ANKRD22: variants seen among roughly 807,000 people sequenced by gnomAD.
ANKRD22 encodes ankyrin repeat domain-containing protein 22.
ANKRD22 carries 24 observed loss-of-function variants against 25.7 expected under a neutral mutation model. The observed-to-expected ratio is 0.93, with a 90% CI of 0.68 to 1.31. The LOEUF (loss-of-function observed/expected upper bound fraction) is 1.31, where lower values mean the gene tolerates loss of function less well. Ranked by LOEUF, ANKRD22 falls within the 50% of genes most tolerant of loss-of-function variation. ANKRD22 has a pLI of 0.00. For missense variants in ANKRD22, 214 were observed against 227.1 expected, an observed-to-expected ratio of 0.94 and a Z score of 0.37; for synonymous variants, 84 against 84.3, an observed-to-expected ratio of 1.00 and a Z score of 0.02.
At chr10:88,842,373 T>C (rs1440708288) in intron 1 of ANKRD22, among the ~76,000 whole-genome samples, 1 of 152,158 alleles carries the variant, frequency 6.6e-6, no homozygotes, top group Non-Finnish European at 1.5e-5. Flanking sequence ...TACTCTGGTC[T>C]ATCTAACTCC....
intron 4 of ANKRD22, among the ~76,000 whole-genome samples, chr10:88,825,083 C>T (rs543898797): frequency 4.7e-5 from 7 of 147,372 alleles, no homozygotes; most frequent in Non-Finnish European, 1.0e-4. Flanking sequence ...TAGGCAAAAC[C>T]GAAATGATGT....
At position 88,820,795 on chromosome 10, in the gene ANKRD22, C is replaced by A. The variant is rs1843784628; in HGVS notation, c.*2146G>T. On this transcript the variant is annotated 3_prime_UTR_variant, in exon 6 of 6. Coordinates refer to ENST00000371930, the MANE Select transcript of ANKRD22 (RefSeq NM_144590.3). ...ATTCAGGTAAATCTCTTTAAAACAC[C>A]TATTGTTTTTTCTATAAGCCATATT... Among the ~76,000 whole-genome samples, 1 of 151,952 alleles carries A rather than the reference C, an allele frequency of 6.6e-6. No individual in the cohort carries two copies. The highest frequency in any genetic ancestry group is 1.5e-5 in the Non-Finnish European group (1 of 67,990).
intron 1 of ANKRD22, among the ~76,000 whole-genome samples, chr10:88,850,754 A>G (rs1290135401): frequency 6.6e-6 from 1 of 152,000 alleles, no homozygotes. Context: ...CAAACACTGC[A>G]TTTGCACACA....
intron 1 of ANKRD22, among the ~76,000 whole-genome samples, chr10:88,848,944 C>A (rs1372508682): frequency 6.6e-6 from 1 of 151,998 alleles, no homozygotes; most frequent in East Asian, 1.9e-4. Flanking sequence ...GTAACATCAG[C>A]TTCTCTGAAA....
At chr10:88,825,793 C>T (rs1025063765) in intron 4 of ANKRD22, among the ~76,000 whole-genome samples, 3 of 152,094 alleles carry the variant, frequency 2.0e-5, no homozygotes, top group Non-Finnish European at 4.4e-5. Context: ...TCCTTAACGT[C>T]TCAACAACAT....
At chr10:88,842,276 A>G (rs577681004) in intron 1 of ANKRD22, among the ~76,000 whole-genome samples, 2 of 152,290 alleles carry the variant, frequency 1.3e-5, no homozygotes, top group South Asian at 4.1e-4. Context: ...CAGCAATCTT[A>G]GAACAAAAAT....
At chr10:88,832,198 C>A (rs940537369) in intron 1 of ANKRD22, among the ~76,000 whole-genome samples, 172 bp from the exon 2 acceptor site, 2 of 152,074 alleles carry the variant, frequency 1.3e-5, no homozygotes, top group Non-Finnish European at 2.9e-5. Context: ...AAGTCTAGAT[C>A]AAGAATTAGC....
At chr10:88,841,298 G>A (rs1308755865) in intron 1 of ANKRD22, among the ~76,000 whole-genome samples, 1 of 152,028 alleles carries the variant, frequency 6.6e-6, no homozygotes. Flanking sequence ...GACCACCACA[G>A]AGGTATTCAC....
intron 1 of ANKRD22, among the ~76,000 whole-genome samples, chr10:88,840,869 T>C (rs1294650743): frequency 6.6e-6 from 1 of 152,170 alleles, no homozygotes; most frequent in African/African-American, 2.4e-5. Context: ...TTAGGAAATG[T>C]CTTCTTTCAG....
chr10:88,843,011 G>T (rs1205146782), intron 1 of ANKRD22, among the ~76,000 whole-genome samples: 1 of 152,044 alleles, frequency 6.6e-6, no homozygotes, highest in Non-Finnish European at 1.5e-5. Context: ...TCATTCAAAT[G>T]TATGATGACT....
At chr10:88,831,744 A>G in intron 2 of ANKRD22, 91 bp downstream of exon 2, 3 of 1,324,748 alleles carry the variant, frequency 2.3e-6, no homozygotes, top group Non-Finnish European at 3.1e-6. Context: ...GCTGCAAGCA[A>G]TTTAAAAAAT....
intron 3 of ANKRD22, among the ~76,000 whole-genome samples, chr10:88,826,653 C>G (rs982447359): frequency 1.7e-4 from 26 of 152,326 alleles, no homozygotes; most frequent in South Asian, 6.2e-4. Context: ...TCCTCCCTCT[C>G]TTCTTTGCCT....
At chr10:88,831,282 A>C (rs1184910188) in intron 2 of ANKRD22, among the ~76,000 whole-genome samples, 1 of 152,228 alleles carries the variant, frequency 6.6e-6, no homozygotes, top group East Asian at 1.9e-4. Context: ...AAAGTAGCTA[A>C]TATTGCATCT....
Position 88,843,018 on chromosome 10 carries a change from G to A in ANKRD22, c.21+8569C>T, listed in dbSNP as rs578031362. ...CTGGTCCTTCATTCAAATGTATGAT[G>A]ACTTTCTGATTTTATGTCCCAGAAA... On this transcript the variant is annotated intron_variant, in intron 1 of 5. Transcript: ENST00000371930. Among the ~76,000 whole-genome samples, 14 of 152,152 alleles carry A rather than the reference G, an allele frequency of 9.2e-5. No individual in the cohort carries two copies. In the East Asian group the frequency reaches 1.9e-3, roughly 21 times the overall value.
chr10:88,850,950 T>C lies in ANKRD22; in HGVS notation c.21+637A>G, dbSNP rs1405394186. ...TGACATCATTACACCTCTTGTACTC[T>C]TGTCTAAACATTCCTTGCTTGTACT... On this transcript the variant is annotated intron_variant, in intron 1 of 5. Transcript: ENST00000371930. 2.0e-5 allele frequency among the ~76,000 whole-genome samples: 3 copies of C among 152,168 alleles called. No homozygotes were observed. In the East Asian group the frequency reaches 5.8e-4, roughly 29 times the overall value.
rs1176618263 is a variant in ANKRD22 at position 88,823,386 on chromosome 10, A to C, written c.400-8T>G. On this transcript the variant is annotated splice_region_variant and splice_polypyrimidine_tract_variant and intron_variant, in intron 4 of 5. Transcript: ENST00000371930. ...TAATGCGGTACAGCCATACTGAAAC[A>C]CAAAGGGCCAAAACTTCAGCTCATA... is the stretch of plus-strand genomic sequence containing the variant. 6.2e-7 allele frequency: 1 copy of C among 1,607,938 alleles called. No homozygotes were observed. Among genetic ancestry groups the C allele is most frequent in the Non-Finnish European group, 8.5e-7 (1 of 1,174,406 alleles).
chr10:88,830,073 G>A (rs1843890265), intron 2 of ANKRD22, among the ~76,000 whole-genome samples: 1 of 152,170 alleles, frequency 6.6e-6, no homozygotes, highest in African/African-American at 2.4e-5. Context: ...CCAGACATGA[G>A]CCACTGCACA....
intron 1 of ANKRD22, among the ~76,000 whole-genome samples, chr10:88,837,070 G>A (rs886234467): frequency 3.9e-5 from 6 of 152,178 alleles, no homozygotes; most frequent in African/African-American, 1.4e-4. Flanking sequence ...GAGGGGGGTA[G>A]CAGTGTCCAG....
rs1217698644 is a variant in ANKRD22 at position 88,821,809 on chromosome 10, A to G, written c.*1132T>C. Among the ~76,000 whole-genome samples, 2 of 152,160 alleles carry G rather than the reference A, an allele frequency of 1.3e-5. No individual in the cohort carries two copies. Among genetic ancestry groups the G allele is most frequent in the Admixed American group, 1.3e-4 (2 of 15,282 alleles). ...TGCAGCTATGTGAGATTCAGTCTTG[A>G]TTTTCAAAATTCAGTCATATTTTTA... On this transcript the variant is annotated 3_prime_UTR_variant, in exon 6 of 6. Transcript: ENST00000371930.
Sources: allele counts gnomAD v4.1 joint callset (sites outside exome capture counted in the v4.1 genomes callset), GRCh38; gene constraint gnomAD v4.1.1; transcripts MANE v1.5; gene names NCBI Gene and HGNC (gene_info 2026-07-23, HGNC 2026-07-21).